TMEM117: variants seen among roughly 807,000 people sequenced by gnomAD.
TMEM117 encodes the protein transmembrane protein 117.
A neutral mutation model predicts 52.4 loss-of-function variants in TMEM117; 27 were observed. That is an observed-to-expected ratio of 0.51 (90% CI 0.38 to 0.71). The LOEUF (loss-of-function observed/expected upper bound fraction) is 0.71. Among genes scored for constraint, TMEM117 ranks in the 30% least tolerant of loss-of-function variants. TMEM117 has a pLI of 0.00. For missense variants in TMEM117, 556 were observed against 630.5 expected (o/e 0.88, Z 1.26); for synonymous variants, 215 against 206.3 (o/e 1.04, Z -0.36).
intron 5 of TMEM117, among the ~76,000 whole-genome samples, chr12:44,237,306 T>A (rs796976623): frequency 7.9e-5 from 12 of 152,174 alleles, no homozygotes; most frequent in African/African-American, 2.9e-4. Flanking sequence ...CCCCGGACGT[T>A]GTTCGAATAG....
At chr12:44,207,350 G>A (rs1344041835) in intron 4 of TMEM117, among the ~76,000 whole-genome samples, 2 of 152,124 alleles carry the variant, frequency 1.3e-5, no homozygotes, top group Non-Finnish European at 2.9e-5. Context: ...TGTAGTACCT[G>A]CGTGGGAATT....
intron 3 of TMEM117, among the ~76,000 whole-genome samples, chr12:43,963,326 T>TA (rs1945434234): frequency 6.6e-6 from 1 of 152,154 alleles, no homozygotes; most frequent in Non-Finnish European, 1.5e-5. Flanking sequence ...TGTACAAACT[T>TA]ACAGCTGAGT....
chr12:44,203,688 C>T (rs562727054), intron 4 of TMEM117, among the ~76,000 whole-genome samples: 33 of 152,038 alleles, frequency 2.2e-4, no homozygotes, highest in Admixed American at 1.3e-4. Flanking sequence ...TTTATTTGTG[C>T]CTTAATTTCA....
chr12:44,185,102 T>A (rs1312704971), intron 4 of TMEM117, among the ~76,000 whole-genome samples: 1 of 152,206 alleles, frequency 6.6e-6, no homozygotes. Flanking sequence ...TGTTTACAGC[T>A]CAATCTTTGA....
chr12:43,870,163 C>T (rs1045022819), intron 2 of TMEM117, among the ~76,000 whole-genome samples: 3 of 151,980 alleles, frequency 2.0e-5, no homozygotes, highest in African/African-American at 7.3e-5. Context: ...TTTATCCAGT[C>T]AGTCATGGGT....
intron 3 of TMEM117, among the ~76,000 whole-genome samples, chr12:44,010,385 C>T (rs536776437): frequency 1.6e-4 from 25 of 152,242 alleles, no homozygotes; most frequent in African/African-American, 4.1e-4. Context: ...CATGGGGAAG[C>T]GGTGTCAGGA....
chr12:44,202,797 T>C (rs1949513822), intron 4 of TMEM117, among the ~76,000 whole-genome samples: 1 of 151,834 alleles, frequency 6.6e-6, no homozygotes, highest in Non-Finnish European at 1.5e-5. Flanking sequence ...TGGTAGCTTT[T>C]TTTTTTTTTT....
At chr12:43,924,518 G>A (rs771966497) in intron 2 of TMEM117, among the ~76,000 whole-genome samples, 1 of 152,088 alleles carries the variant, frequency 6.6e-6, no homozygotes, top group Non-Finnish European at 1.5e-5. Flanking sequence ...ATTATTTCAA[G>A]TATTTCGTGC....
intron 4 of TMEM117, among the ~76,000 whole-genome samples, chr12:44,152,208 T>A (rs1180953321): frequency 9.3e-6 from 1 of 107,616 alleles, no homozygotes; most frequent in Non-Finnish European, 1.6e-5. Context: ...TATAATTATA[T>A]TTATATTATA....
chr12:44,252,541 A>T (rs907744160), intron 5 of TMEM117, among the ~76,000 whole-genome samples: 3 of 152,106 alleles, frequency 2.0e-5, no homozygotes, highest in African/African-American at 4.8e-5. Flanking sequence ...ACAAAAAGCA[A>T]AGATTCAGCT....
At chr12:44,038,814 T>C (rs910638922) in intron 3 of TMEM117, among the ~76,000 whole-genome samples, 5 of 152,222 alleles carry the variant, frequency 3.3e-5, no homozygotes, top group African/African-American at 9.6e-5. Context: ...AATATTAATC[T>C]TTTTTTCAGT....
At chr12:44,128,825 T>A (rs1289445954) in intron 3 of TMEM117, among the ~76,000 whole-genome samples, 1 of 152,224 alleles carries the variant, frequency 6.6e-6, no homozygotes, top group Non-Finnish European at 1.5e-5. Context: ...AGTATAAATT[T>A]GGGCTGATAT....
chr12:44,204,477 A>G (rs1409337681), intron 4 of TMEM117, among the ~76,000 whole-genome samples: 1 of 152,218 alleles, frequency 6.6e-6, no homozygotes, highest in African/African-American at 2.4e-5. Flanking sequence ...CAATATTATT[A>G]AAATTGCTGT....
chr12:43,867,141 A>G (rs1943615895), intron 2 of TMEM117, among the ~76,000 whole-genome samples: 1 of 152,212 alleles, frequency 6.6e-6, no homozygotes, highest in Non-Finnish European at 1.5e-5. Context: ...GAAAATTGTA[A>G]TATTGTATGT....
intron 3 of TMEM117, among the ~76,000 whole-genome samples, chr12:44,122,049 T>C (rs1446754835): frequency 1.0e-5 from 1 of 96,332 alleles, no homozygotes; most frequent in Non-Finnish European, 1.8e-5. Flanking sequence ...TTTTCTTTTC[T>C]TTTTTTTTTT....
chr12:43,948,375 G>A (rs1427936387), intron 3 of TMEM117, among the ~76,000 whole-genome samples: 3 of 151,228 alleles, frequency 2.0e-5, no homozygotes, highest in Non-Finnish European at 2.9e-5. Flanking sequence ...GCATGATCTC[G>A]GCTCACTGCA....
chr12:44,276,176 T>G (rs1428942937), intron 5 of TMEM117, among the ~76,000 whole-genome samples: 1 of 152,130 alleles, frequency 6.6e-6, no homozygotes, highest in Admixed American at 6.6e-5. Context: ...GTCAAAAAGA[T>G]ACCTGCACTG....
chr12:44,334,978 A>G (rs566031235), intron 6 of TMEM117, among the ~76,000 whole-genome samples: 4 of 152,216 alleles, frequency 2.6e-5, no homozygotes, highest in Admixed American at 2.0e-4. Flanking sequence ...GGGCATTATA[A>G]CATGAGGTAT....
At chr12:43,878,924 A>T (rs1184084701) in intron 2 of TMEM117, among the ~76,000 whole-genome samples, 2 of 152,198 alleles carry the variant, frequency 1.3e-5, no homozygotes, top group African/African-American at 2.4e-5. Context: ...ATATATTGAA[A>T]ATATCTAGTG....
Sources: gnomAD v4.1 joint callset for allele counts (sites outside exome capture counted in the v4.1 genomes callset) on GRCh38, gnomAD v4.1.1 for gene constraint, MANE v1.5 for transcripts, NCBI Gene and HGNC (gene_info 2026-07-23, HGNC 2026-07-21) for gene names.